The following MGAT4C variants were observed in gnomAD, a reference collection of about 807,000 sequenced individuals.
MGAT4C encodes the protein alpha-1,3-mannosyl-glycoprotein 4-beta-N-acetylglucosaminyltransferase C.
Under a neutral mutation model 40.1 loss-of-function variants are expected in MGAT4C, and 19 were observed. That is an observed-to-expected ratio of 0.47 (90% confidence interval 0.33 to 0.70). MGAT4C has a LOEUF of 0.70. Ranked by LOEUF, MGAT4C falls within the 30% of genes least tolerant of loss-of-function variation. The pLI is 0.02. For synonymous variants in MGAT4C, 181 were observed against 187.1 expected, an observed-to-expected ratio of 0.97 and a Z score of 0.27; for missense variants, 491 against 563.2, an observed-to-expected ratio of 0.87 and a Z score of 1.30.
intron 2 of MGAT4C, among the ~76,000 whole-genome samples, chr12:86,694,882 CA>C (rs1950228508): frequency 6.6e-6 from 1 of 152,052 alleles, no homozygotes; most frequent in Non-Finnish European, 1.5e-5. Flanking sequence ...GTAATGCCTC[CA>C]AATCACAGGC....
intron 3 of MGAT4C, among the ~76,000 whole-genome samples, chr12:86,366,766 A>T (rs1488950791): frequency 1.3e-5 from 2 of 152,188 alleles, no homozygotes; most frequent in African/African-American, 4.8e-5. Context: ...AGATCCAGCA[A>T]TAATCCAGTA....
intron 1 of MGAT4C, among the ~76,000 whole-genome samples, chr12:86,803,683 C>T (rs1359221329): frequency 2.6e-5 from 4 of 151,050 alleles, no homozygotes; most frequent in African/African-American, 9.7e-5. Context: ...CATCACTGGC[C>T]ATCGGAGAAA....
At chr12:86,261,713 T>C (rs1019050768) in intron 4 of MGAT4C, among the ~76,000 whole-genome samples, 2 of 151,756 alleles carry the variant, frequency 1.3e-5, no homozygotes, top group African/African-American at 4.8e-5. Flanking sequence ...TGTAATGGAG[T>C]TCATGATTAA....
intron 2 of MGAT4C, among the ~76,000 whole-genome samples, chr12:86,014,980 T>G (rs1026951860): frequency 1.0e-4 from 15 of 143,598 alleles, no homozygotes; most frequent in Non-Finnish European, 2.1e-4. Flanking sequence ...CTTTCTTTCT[T>G]TTTTTTTTTT....
At chr12:86,767,867 C>A (rs1951544612) in intron 1 of MGAT4C, among the ~76,000 whole-genome samples, 1 of 152,152 alleles carries the variant, frequency 6.6e-6, no homozygotes, top group South Asian at 2.1e-4. Context: ...GGACGTATCT[C>A]AAAATAATAA....
Position 86,567,392 on chromosome 12 carries a change from C to A in MGAT4C, c.-228-132127G>T, listed in dbSNP as rs1960178635. On this transcript the variant is annotated intron_variant, in intron 2 of 7. Coordinates refer to the MGAT4C transcript ENST00000548651. ...CCTGGCCACTTTGGGCTCCTCTCAC[C>A]TCTAAGTCAATAGGCTAAGAAAAGA... Among the ~76,000 whole-genome samples, 3 of 152,140 alleles carry A rather than the reference C, an allele frequency of 2.0e-5. No homozygotes were observed. In the South Asian group the frequency reaches 6.2e-4, roughly 31 times the overall value.
intron 3 of MGAT4C, among the ~76,000 whole-genome samples, chr12:86,434,407 T>C (rs1208658386): frequency 6.6e-6 from 1 of 151,920 alleles, no homozygotes; most frequent in African/African-American, 2.4e-5. Context: ...AATATTTATA[T>C]ATACTTACAC....
chr12:86,324,339 T>A (rs1166830041), intron 4 of MGAT4C, among the ~76,000 whole-genome samples: 1 of 151,962 alleles, frequency 6.6e-6, no homozygotes, highest in Non-Finnish European at 1.5e-5. Context: ...TTGATTTTAT[T>A]TCATGTTTTG....
chr12:86,798,946 C>T (rs1484555701), intron 1 of MGAT4C, among the ~76,000 whole-genome samples: 7 of 151,778 alleles, frequency 4.6e-5, no homozygotes. Context: ...AGAGCAAAAG[C>T]TACTAAACTG....
intron 2 of MGAT4C, among the ~76,000 whole-genome samples, chr12:86,528,465 C>T (rs1173985244): frequency 6.6e-6 from 1 of 151,870 alleles, no homozygotes; most frequent in Non-Finnish European, 1.5e-5. Context: ...CTTTCTTCTT[C>T]CTATGTACTT....
intron 1 of MGAT4C, among the ~76,000 whole-genome samples, chr12:86,779,551 ATGATGGC>A (rs1367755678): frequency 6.6e-6 from 1 of 151,930 alleles, no homozygotes; most frequent in African/African-American, 2.4e-5. Context: ...GCAGTGAGCC[ATGATGGC>A]GACACTGCAC....
chr12:86,015,541 G>A (rs1457288787), intron 2 of MGAT4C, among the ~76,000 whole-genome samples: 1 of 152,132 alleles, frequency 6.6e-6, no homozygotes, highest in Non-Finnish European at 1.5e-5. Flanking sequence ...AAATCCACCT[G>A]GCTGGAAGAA....
chr12:86,252,742 A>G (rs552101978), intron 1 of MGAT4C, among the ~76,000 whole-genome samples: 3 of 152,032 alleles, frequency 2.0e-5, no homozygotes, highest in African/African-American at 7.2e-5. Context: ...TTTTACTTAT[A>G]CTATAAAGAA....
intron 3 of MGAT4C, among the ~76,000 whole-genome samples, chr12:86,399,769 C>A (rs776090497): frequency 1.6e-4 from 24 of 152,148 alleles, no homozygotes; most frequent in Non-Finnish European, 3.2e-4. Context: ...TCCACAGCAA[C>A]AAAAGTTTCT....
At chr12:86,669,283 T>C (rs997319823) in intron 2 of MGAT4C, among the ~76,000 whole-genome samples, 3 of 151,880 alleles carry the variant, frequency 2.0e-5, no homozygotes, top group Admixed American at 1.3e-4. Flanking sequence ...AACAGCAGAA[T>C]GAACAGCCCC....
At chr12:86,588,450 A>G (rs1961165487) in intron 2 of MGAT4C, among the ~76,000 whole-genome samples, 1 of 152,054 alleles carries the variant, frequency 6.6e-6, no homozygotes, top group African/African-American at 2.4e-5. Flanking sequence ...ACACATTAAT[A>G]ATGGGAGACT....
chr12:86,617,003 A>G (rs1381388488), intron 2 of MGAT4C, among the ~76,000 whole-genome samples: 1 of 152,208 alleles, frequency 6.6e-6, no homozygotes. Context: ...CTAGCAAAAA[A>G]AAATAATTTT....
intron 1 of MGAT4C, among the ~76,000 whole-genome samples, chr12:86,082,155 A>C (rs1870953212): frequency 1.3e-5 from 2 of 152,192 alleles, no homozygotes; most frequent in Admixed American, 1.3e-4. Flanking sequence ...ACAACAGCAC[A>C]GTATAATAAA....
intron 1 of MGAT4C, among the ~76,000 whole-genome samples, chr12:86,748,369 C>G (rs532943403): frequency 4.1e-4 from 62 of 151,708 alleles, no homozygotes; most frequent in African/African-American, 1.4e-3. Context: ...GGAAGCCTGG[C>G]GAAGAGCCAG....
Sources: gnomAD v4.1 joint callset for allele counts (sites outside exome capture counted in the v4.1 genomes callset) on GRCh38, gnomAD v4.1.1 for gene constraint, MANE v1.5 for transcripts, NCBI Gene and HGNC (gene_info 2026-07-23, HGNC 2026-07-21) for gene names.